SCEL: variants seen among roughly 807,000 people sequenced by gnomAD.
The protein encoded by SCEL is sciellin.
In SCEL, 113 loss-of-function variants were observed where a neutral mutation model predicts 117.6. The observed-to-expected ratio is 0.96, with a 90% CI of 0.83 to 1.12. The LOEUF (loss-of-function observed/expected upper bound fraction) is 1.12, where lower values mean the gene tolerates loss of function less well. SCEL is among the 50% of genes most tolerant of loss of function. The probability of loss-of-function intolerance (pLI) is 0.00; values close to 1 mark genes in which losing one functional copy is unlikely to be tolerated. For missense variants in SCEL, 785 were observed against 810.8 expected (o/e 0.97, Z 0.39); for synonymous variants, 270 against 256.2 (o/e 1.05, Z -0.51).
intron 19 of SCEL, 111 bp downstream of exon 19, chr13:77,604,526 G>T (rs1030029716): frequency 7.7e-5 from 61 of 790,582 alleles, no homozygotes; most frequent in Non-Finnish European, 9.7e-5. Context: ...AAAACAAACT[G>T]AGCTCTTTTT....
At chr13:77,599,284 G>A (rs1294008286) in intron 13 of SCEL, 45 bp from the exon 14 acceptor site, 1 of 1,389,578 alleles carries the variant, frequency 7.2e-7, no homozygotes, top group African/African-American at 1.4e-5. Flanking sequence ...GTTAAGCATT[G>A]GTCATTATCA....
chr13:77,542,252 T>G (rs968404782), intron 1 of SCEL, among the ~76,000 whole-genome samples: 1 of 152,006 alleles, frequency 6.6e-6, no homozygotes, highest in African/African-American at 2.4e-5. Flanking sequence ...AATACAAAAA[T>G]TAGAGAGGCA....
chr13:77,597,463 A>G, intron 12 of SCEL, 82 bp from the exon 13 acceptor site: 1 of 736,890 alleles, frequency 1.4e-6, no homozygotes, highest in Admixed American at 2.8e-5. Context: ...TATTTCAGAG[A>G]ACTGTCATTT....
chr13:77,552,078 T>C (rs569433611), intron 1 of SCEL, among the ~76,000 whole-genome samples: 31 of 152,240 alleles, frequency 2.0e-4, no homozygotes, highest in Non-Finnish European at 3.8e-4. Context: ...CCATATTTTC[T>C]TAATCCAGTC....
chr13:77,580,808 G>A (rs61965796), intron 9 of SCEL, among the ~76,000 whole-genome samples: 4 of 152,008 alleles, frequency 2.6e-5, no homozygotes, highest in Non-Finnish European at 4.4e-5. Context: ...TAGTAGAAAC[G>A]CATCTGGGAA....
intron 4 of SCEL, among the ~76,000 whole-genome samples, chr13:77,560,483 T>C (rs978039043): frequency 1.3e-5 from 2 of 152,094 alleles, no homozygotes; most frequent in African/African-American, 4.8e-5. Context: ...TACATATCTC[T>C]GAACCTTAGG....
chr13:77,563,988 A>G, intron 5 of SCEL, 89 bp downstream of exon 5: 2 of 925,306 alleles, frequency 2.2e-6, no homozygotes, highest in Middle Eastern at 2.6e-4. Context: ...AAGTTTACCA[A>G]AATAAGGTTT....
intron 3 of SCEL, 56 bp from the exon 4 acceptor site, chr13:77,559,748 C>G: frequency 1.3e-6 from 2 of 1,507,682 alleles, no homozygotes; most frequent in Non-Finnish European, 1.8e-6. Context: ...TCATTTAGTG[C>G]TTGGTCAACA....
chr13:77,600,745 C>T (rs1026900546), intron 15 of SCEL, among the ~76,000 whole-genome samples: 1 of 152,080 alleles, frequency 6.6e-6, no homozygotes, highest in Admixed American at 6.6e-5. Context: ...TCAAGAATGA[C>T]AAAGGGCAAG....
intron 1 of SCEL, among the ~76,000 whole-genome samples, chr13:77,544,923 C>G (rs908304898): frequency 6.6e-6 from 1 of 152,130 alleles, no homozygotes; most frequent in African/African-American, 2.4e-5. Flanking sequence ...AAAACTAGCT[C>G]TTTCTGGTGT....
At chr13:77,556,009 T>A (rs2084636258) in intron 2 of SCEL, 91 bp downstream of exon 2, 1 of 917,066 alleles carries the variant, frequency 1.1e-6, no homozygotes, top group Admixed American at 1.9e-5. Flanking sequence ...AGATATTGAA[T>A]GCTTAGAAAC....
Position 77,559,801 on chromosome 13 carries a change from C to T in SCEL, c.162-3C>T. ...GTGACATACTTTTGTTCTTTCTTTG[C>T]AGAGATGAAAATTACGGTAGGGTGG... On this transcript the variant is annotated splice_polypyrimidine_tract_variant and splice_region_variant and intron_variant, in intron 3 of 32. Coordinates refer to ENST00000349847, the MANE Select transcript of SCEL (RefSeq NM_144777.3). 1.2e-6 allele frequency: 2 copies of T among 1,612,968 alleles called. No homozygotes were observed. The highest frequency in any genetic ancestry group is 1.7e-4 in the Middle Eastern group (1 of 6,052).
rs1156625341 is a variant in SCEL at position 77,628,015 on chromosome 13, G to A, written c.1691+6G>A. 1 of 1,432,868 alleles carries A rather than the reference G, an allele frequency of 7.0e-7. No individual in the cohort carries two copies. Among genetic ancestry groups the A allele is most frequent in the African/African-American group, 1.4e-5 (1 of 70,502 alleles). The allele number at this position is 1,432,868 out of a possible 1,614,324, so 88.8% of individuals were successfully genotyped here. On this transcript the variant is annotated splice_donor_region_variant and intron_variant, in intron 28 of 32. Coordinates refer to ENST00000349847, the MANE Select transcript of SCEL (RefSeq NM_144777.3). Reference sequence around the variant, plus strand: ...TCTGAAAACAAGAATGGAAGGTAAAGCTTATTATAATTCACTTTTTTTCTT... The same window carrying A: ...TCTGAAAACAAGAATGGAAGGTAAAACTTATTATAATTCACTTTTTTTCTT...
chr13:77,626,960 A>G (rs2089769430), intron 27 of SCEL, among the ~76,000 whole-genome samples: 1 of 151,522 alleles, frequency 6.6e-6, no homozygotes, highest in Non-Finnish European at 1.5e-5. Flanking sequence ...AAGAAAAAAA[A>G]CAGAACTATC....
In SCEL at chr13:77,566,686, C is replaced by T. The variant is rs1209398449; in HGVS notation, c.291-994C>T. Among the ~76,000 whole-genome samples, 5 of 152,318 alleles carry T rather than the reference C, an allele frequency of 3.3e-5. No homozygotes were observed. The South Asian group carries it at 8.3e-4, about 25-fold the overall frequency. Reference sequence around the variant, plus strand: ...CACTATAAGGTACTACTTGACACATCAGAGTCCAATGTGATTTGCTGGAGT... The same window carrying T: ...CACTATAAGGTACTACTTGACACATTAGAGTCCAATGTGATTTGCTGGAGT... On this transcript the variant is annotated intron_variant, in intron 5 of 32. Coordinates refer to ENST00000349847, the MANE Select transcript of SCEL (RefSeq NM_144777.3).
At chr13:77,544,408 G>C (rs1430666053) in intron 1 of SCEL, among the ~76,000 whole-genome samples, 2 of 152,332 alleles carry the variant, frequency 1.3e-5, no homozygotes, top group East Asian at 3.9e-4. Context: ...GAGGCATTAT[G>C]TCCTTGGGTG....
At chr13:77,559,171 C>A (rs1193138805) in intron 3 of SCEL, among the ~76,000 whole-genome samples, 11 of 152,188 alleles carry the variant, frequency 7.2e-5, no homozygotes. Flanking sequence ...GCCACAAAAT[C>A]CCCTATCAGT....
intron 1 of SCEL, among the ~76,000 whole-genome samples, chr13:77,548,118 A>G (rs576680977): frequency 1.6e-4 from 24 of 152,384 alleles, no homozygotes; most frequent in African/African-American, 3.4e-4. Flanking sequence ...AGTTCAAACA[A>G]TAATAATACT....
intron 27 of SCEL, among the ~76,000 whole-genome samples, chr13:77,620,695 G>A (rs1320091914): frequency 1.3e-5 from 2 of 152,100 alleles, no homozygotes; most frequent in African/African-American, 4.8e-5. Flanking sequence ...AACTGTGTTA[G>A]ACTGATTATT....
Sources: gnomAD v4.1 joint callset for allele counts (sites outside exome capture counted in the v4.1 genomes callset) on GRCh38, gnomAD v4.1.1 for gene constraint, MANE v1.5 for transcripts, NCBI Gene and HGNC (gene_info 2026-07-23, HGNC 2026-07-21) for gene names.